Variants in AMPH observed in about 807,000 individuals in gnomAD.
AMPH encodes amphiphysin, also known as amphiphysin (Stiff-Mann syndrome with breast cancer 128kD autoantigen).
AMPH carries 49 observed loss-of-function variants against 99.1 expected under a neutral mutation model. The ratio of observed to expected loss-of-function variants is 0.49; its 90% CI spans 0.39 to 0.63. The LOEUF is 0.63. Ranked by LOEUF, AMPH falls within the 20% of genes least tolerant of loss-of-function variation. The pLI is 0.00. For synonymous variants in AMPH, 314 were observed against 317.3 expected (o/e 0.99, Z 0.11); for missense variants, 759 against 863.4 (o/e 0.88, Z 1.52).
chr7:38,428,230 T>C (rs1382951935), intron 14 of AMPH: 1 of 456,726 alleles, frequency 2.2e-6, no homozygotes, highest in Non-Finnish European at 4.4e-6. Context: ...AAATTATTCA[T>C]TGCTGAATCC....
chr7:38,525,271 T>TAGAGAGAGAGAGAG (rs1260420807), intron 2 of AMPH, among the ~76,000 whole-genome samples: 4 of 71,336 alleles, frequency 5.6e-5, no homozygotes, highest in Non-Finnish European at 1.2e-4. Context: ...TATATATATA[T>TAGAGAGAGAGAGAG]ATATATAGAG....
chr7:38,465,631 G>T, intron 8 of AMPH, 82 bp from the exon 9 acceptor site: 1 of 1,253,276 alleles, frequency 8.0e-7, no homozygotes, highest in Non-Finnish European at 1.1e-6. Context: ...GAAAGAAATT[G>T]CTTATTGAGA....
chr7:38,469,334 C>T lies in AMPH; in HGVS notation c.591-3086G>A, dbSNP rs145557341. Reference sequence around the variant, plus strand: ...GGACACTTCTTATTAGCTGTCAAAACCAACTTAATTTCTTTATTAAGATGT... The same window carrying T: ...GGACACTTCTTATTAGCTGTCAAAATCAACTTAATTTCTTTATTAAGATGT... On this transcript the variant is annotated intron_variant, in intron 7 of 20. Coordinates refer to ENST00000356264, the MANE Select transcript of AMPH (RefSeq NM_001635.4). Among the ~76,000 whole-genome samples, 911 of 152,206 alleles carry T rather than the reference C, an allele frequency of 6.0e-3. 5 individuals carry two copies. The highest frequency in any genetic ancestry group is 9.6e-3 in the Non-Finnish European group (656 of 68,000).
At chr7:38,621,632 T>C (rs1794068574) in intron 1 of AMPH, among the ~76,000 whole-genome samples, 1 of 152,132 alleles carries the variant, frequency 6.6e-6, no homozygotes, top group Non-Finnish European at 1.5e-5. Flanking sequence ...TATTTATTAA[T>C]TTGTTAAATT....
At chr7:38,430,516 T>C (rs1785970542) in intron 13 of AMPH, among the ~76,000 whole-genome samples, 1 of 152,232 alleles carries the variant, frequency 6.6e-6, no homozygotes, top group South Asian at 2.1e-4. Flanking sequence ...GTTTGTCCTC[T>C]GAAACGTTCA....
chr7:38,561,299 G>A (rs1334867101), intron 1 of AMPH, among the ~76,000 whole-genome samples: 1 of 152,180 alleles, frequency 6.6e-6, no homozygotes, highest in Non-Finnish European at 1.5e-5. Flanking sequence ...AACATTCCAA[G>A]CTAAATGAGC....
At chr7:38,473,500 C>A (rs6946078) in intron 7 of AMPH, among the ~76,000 whole-genome samples, 8,622 of 70,352 alleles carry the variant, frequency 0.12, 2,422 homozygotes, top group East Asian at 0.79. Context: ...GTCAGGAGAT[C>A]GAGACCATCC....
intron 1 of AMPH, among the ~76,000 whole-genome samples, chr7:38,540,234 C>A (rs781216482): frequency 3.3e-5 from 5 of 152,296 alleles, no homozygotes; most frequent in South Asian, 2.1e-4. Flanking sequence ...TACATTGACA[C>A]GTTAGTATTT....
At chr7:38,611,110 T>C (rs547366838) in intron 1 of AMPH, among the ~76,000 whole-genome samples, 2 of 152,344 alleles carry the variant, frequency 1.3e-5, no homozygotes, top group Admixed American at 6.5e-5. Context: ...ATGTGATACA[T>C]ACATAAAATG....
chr7:38,567,633 C>A (rs117728825), intron 1 of AMPH, among the ~76,000 whole-genome samples: 1 of 152,206 alleles, frequency 6.6e-6, no homozygotes, highest in African/African-American at 2.4e-5. Flanking sequence ...TGTAAGAGTA[C>A]CTTTCTGCCC....
rs569822268 is a variant in AMPH at position 38,533,133 on chromosome 7, C to T, written c.150+1798G>A. 4.9e-4 allele frequency among the ~76,000 whole-genome samples: 75 copies of T among 152,288 alleles called. 1 individual carries two copies. In the South Asian group the frequency reaches 7.3e-3, roughly 15 times the overall value. On this transcript the variant is annotated intron_variant, in intron 2 of 20. Coordinates refer to ENST00000356264, the MANE Select transcript of AMPH (RefSeq NM_001635.4). ...ATGATCTATTTGAGAGCTACCCACA[C>T]GCAGGAGATGTGTGAAAAATCACCA...
At chr7:38,386,727 A>G (rs1784359133) in intron 20 of AMPH, among the ~76,000 whole-genome samples, 1 of 152,356 alleles carries the variant, frequency 6.6e-6, no homozygotes, top group Middle Eastern at 3.4e-3. Context: ...TATAAAGTGT[A>G]AATTTATATA....
chr7:38,477,050 T>G lies in AMPH; in HGVS notation c.397-81A>C, dbSNP rs1788113995. The G allele has an allele frequency of 4.0e-6, 5 of 1,241,418 alleles. No homozygotes were observed. In the East Asian group the frequency reaches 1.2e-4, roughly 29 times the overall value. The allele number at this position is 1,241,418 out of a possible 1,614,324, so 76.9% of individuals were successfully genotyped here. ...TTGACAGCCAGGTGCCAAAATGCTT[T>G]CCTTGGCCAGAGCTGCTGAGGATCT... On this transcript the variant is annotated intron_variant, in intron 5 of 20. Transcript: ENST00000356264.
At chr7:38,577,106 A>G (rs988594651) in intron 1 of AMPH, among the ~76,000 whole-genome samples, 6 of 152,238 alleles carry the variant, frequency 3.9e-5, no homozygotes, top group African/African-American at 1.4e-4. Flanking sequence ...ATTCAGAAAT[A>G]GATGTTTATG....
At chr7:38,431,657 A>T (rs1036108402) in intron 13 of AMPH, among the ~76,000 whole-genome samples, 24 of 118,508 alleles carry the variant, frequency 2.0e-4, no homozygotes, top group Middle Eastern at 3.9e-3. Flanking sequence ...ACTCCGTCTT[A>T]AAAAAAAAAA....
At chr7:38,501,347 C>G (rs569544160) in intron 3 of AMPH, among the ~76,000 whole-genome samples, 1 of 152,090 alleles carries the variant, frequency 6.6e-6, no homozygotes, top group Non-Finnish European at 1.5e-5. Flanking sequence ...TGCGCCACCA[C>G]ACCTGACTAA....
At chr7:38,546,530 G>A (rs992343799) in intron 1 of AMPH, among the ~76,000 whole-genome samples, 1 of 152,028 alleles carries the variant, frequency 6.6e-6, no homozygotes, top group Admixed American at 6.5e-5. Flanking sequence ...ATAAAAAGTT[G>A]GATACAAAAC....
chr7:38,597,734 C>G (rs1160741244), intron 1 of AMPH, among the ~76,000 whole-genome samples: 1 of 152,184 alleles, frequency 6.6e-6, no homozygotes, highest in Non-Finnish European at 1.5e-5. Flanking sequence ...CATCACAACT[C>G]AATGGAAAAT....
intron 17 of AMPH, 121 bp downstream of exon 17, chr7:38,417,704 C>A: frequency 1.5e-6 from 2 of 1,315,984 alleles, no homozygotes; most frequent in Non-Finnish European, 2.1e-6. Context: ...CTGGGAGCTA[C>A]GACAGATATG....
Sources: allele counts gnomAD v4.1 joint callset (sites outside exome capture counted in the v4.1 genomes callset), GRCh38; gene constraint gnomAD v4.1.1; transcripts MANE v1.5; gene names NCBI Gene and HGNC (gene_info 2026-07-23, HGNC 2026-07-21).